The following STIM2 variants were observed in gnomAD, a reference collection of about 807,000 sequenced individuals.
The protein encoded by STIM2 is stromal interaction molecule 2.
Under a neutral mutation model 85.8 loss-of-function variants are expected in STIM2, and 31 were observed. The observed-to-expected ratio is 0.36, with a 90% CI of 0.27 to 0.49. The LOEUF is 0.49. Ranked by LOEUF, STIM2 falls within the 20% of genes least tolerant of loss-of-function variation. STIM2 has a pLI of 0.98. For synonymous variants in STIM2, 356 were observed against 331.1 expected, an observed-to-expected ratio of 1.08 and a Z score of -0.82; for missense variants, 841 against 927.6, an observed-to-expected ratio of 0.91 and a Z score of 1.21.
At chr4:26,995,634 A>T (rs190818157) in intron 4 of STIM2, 144 bp downstream of exon 4, 35 of 388,798 alleles carry the variant, frequency 9.0e-5, no homozygotes, top group African/African-American at 6.5e-4. Context: ...ATCTTTCTAA[A>T]TTATGCATTT....
chr4:26,998,187 A>G (rs556385875), intron 4 of STIM2, among the ~76,000 whole-genome samples: 2 of 152,306 alleles, frequency 1.3e-5, no homozygotes, highest in African/African-American at 4.8e-5. Context: ...GTGTAATGAA[A>G]TCTTTACTAG....
At position 26,861,019 on chromosome 4, in the gene STIM2, C is replaced by A; in HGVS notation, c.-200C>A. 8.0e-7 allele frequency: 1 copy of A among 1,244,504 alleles called. No homozygotes were observed. The highest frequency in any genetic ancestry group is 1.0e-6 in the Non-Finnish European group (1 of 986,680). 77.1% of individuals were successfully genotyped at this position (1,244,504 alleles called of 1,614,324 possible). On this transcript the variant is annotated 5_prime_UTR_variant, in exon 1 of 12. Transcript: ENST00000467087. ...GGTGCCGATGGGACCAGGCTGGCGC[C>A]CGGCGGGAGCCCGTGTCTGAGGCGG...
At chr4:27,018,045 A>G in intron 11 of STIM2, 61 bp downstream of exon 11, 8 of 1,164,370 alleles carry the variant, frequency 6.9e-6, no homozygotes, top group Non-Finnish European at 6.3e-6. Flanking sequence ...AGGTGTGAGG[A>G]GGGGGCGGGA....
At chr4:26,895,459 G>C (rs1414565067) in intron 1 of STIM2, among the ~76,000 whole-genome samples, 1 of 152,040 alleles carries the variant, frequency 6.6e-6, no homozygotes, top group Non-Finnish European at 1.5e-5. Context: ...TACGTTTTGA[G>C]TTTTTTTGCA....
intron 3 of STIM2, among the ~76,000 whole-genome samples, chr4:26,992,112 A>C (rs977054029): frequency 6.6e-6 from 1 of 152,128 alleles, no homozygotes; most frequent in Non-Finnish European, 1.5e-5. Flanking sequence ...ATGTAATGAA[A>C]AATCGCTTGT....
chr4:26,965,830 C>A (rs913153679), intron 3 of STIM2, among the ~76,000 whole-genome samples: 5 of 151,994 alleles, frequency 3.3e-5, no homozygotes, highest in Non-Finnish European at 7.4e-5. Context: ...ATAGAGACCC[C>A]CTCTCAGAAG....
intron 2 of STIM2, among the ~76,000 whole-genome samples, chr4:26,956,831 T>C (rs1189843813): frequency 6.6e-6 from 1 of 152,128 alleles, no homozygotes; most frequent in Non-Finnish European, 1.5e-5. Flanking sequence ...ACCAAATGGC[T>C]TGCGTTGGAA....
intron 3 of STIM2, among the ~76,000 whole-genome samples, chr4:26,959,029 A>G (rs1366264223): frequency 6.6e-6 from 1 of 152,190 alleles, no homozygotes; most frequent in Non-Finnish European, 1.5e-5. Context: ...TCTTGCCTGG[A>G]TAATTGTGAC....
At chr4:26,897,247 C>G (rs1362888835) in intron 1 of STIM2, among the ~76,000 whole-genome samples, 1 of 152,202 alleles carries the variant, frequency 6.6e-6, no homozygotes, top group African/African-American at 2.4e-5. Context: ...TTCCCAACAG[C>G]AAAGTATGAG....
chr4:26,968,575 A>ATT (rs1371984810), intron 3 of STIM2, among the ~76,000 whole-genome samples: 1 of 152,132 alleles, frequency 6.6e-6, no homozygotes, highest in Non-Finnish European at 1.5e-5. Flanking sequence ...GTGTAATAAG[A>ATT]TGAAAAGAGT....
At chr4:26,992,174 A>G (rs193302278) in intron 3 of STIM2, among the ~76,000 whole-genome samples, 1 of 152,296 alleles carries the variant, frequency 6.6e-6, no homozygotes, top group African/African-American at 2.4e-5. Context: ...TTTCTTATAC[A>G]TACAAATCCT....
chr4:26,950,723 A>G (rs1220485185), intron 2 of STIM2, among the ~76,000 whole-genome samples: 1 of 152,196 alleles, frequency 6.6e-6, no homozygotes, highest in Non-Finnish European at 1.5e-5. Context: ...TTATAGCAGC[A>G]CAAAATGGAC....
intron 2 of STIM2, among the ~76,000 whole-genome samples, chr4:26,952,359 C>T (rs55652454): frequency 7.2e-4 from 109 of 152,086 alleles, no homozygotes; most frequent in Admixed American, 1.2e-3. Context: ...TTTGTAGTAC[C>T]TCACACTGTC....
chr4:26,860,858 T>G lies in STIM2; in HGVS notation c.-361T>G. On this transcript the variant is annotated 5_prime_UTR_variant, in exon 1 of 12. Coordinates refer to ENST00000467087, the MANE Select transcript of STIM2 (RefSeq NM_020860.4). ...GCGGCGCCAGAGCAGCGGATCCCGG[T>G]CTCGCCGCAGCAGCAGCGCGGGTGT... 1.3e-6 allele frequency: 1 copy of G among 790,736 alleles called. No individual in the cohort carries two copies. Among genetic ancestry groups the G allele is most frequent in the Non-Finnish European group, 1.5e-6 (1 of 648,016 alleles). 49.0% of individuals were successfully genotyped at this position (790,736 alleles called of 1,614,324 possible). A position where few individuals can be genotyped will look rare whatever the true frequency, so the allele number is the denominator to read the frequency against.
intron 2 of STIM2, among the ~76,000 whole-genome samples, chr4:26,945,443 A>G (rs924290430): frequency 6.6e-6 from 1 of 152,120 alleles, no homozygotes; most frequent in African/African-American, 2.4e-5. Flanking sequence ...GATATGATTT[A>G]TATTCCTTTG....
At chr4:26,902,591 G>A (rs10029307) in intron 1 of STIM2, among the ~76,000 whole-genome samples, 45,254 of 152,076 alleles carry the variant, frequency 0.3, 7,068 homozygotes, top group East Asian at 0.42. Context: ...ATATTACTTT[G>A]AAATGATCAG....
At chr4:26,978,898 G>A (rs1727289165) in intron 3 of STIM2, among the ~76,000 whole-genome samples, 1 of 152,156 alleles carries the variant, frequency 6.6e-6, no homozygotes, top group South Asian at 2.1e-4. Context: ...CATGGGTCAT[G>A]TGATATAAAA....
chr4:26,990,263 T>C (rs577571487), intron 3 of STIM2, among the ~76,000 whole-genome samples: 1 of 152,122 alleles, frequency 6.6e-6, no homozygotes, highest in East Asian at 1.9e-4. Context: ...CAGACACATA[T>C]ACCAACGAAA....
At chr4:26,885,170 T>C (rs774115770) in intron 1 of STIM2, among the ~76,000 whole-genome samples, 1 of 151,406 alleles carries the variant, frequency 6.6e-6, no homozygotes, top group Non-Finnish European at 1.5e-5. Context: ...TTATTTTTCA[T>C]GGTTTTGAAT....
Sources: allele counts gnomAD v4.1 joint callset (sites outside exome capture counted in the v4.1 genomes callset), GRCh38; gene constraint gnomAD v4.1.1; transcripts MANE v1.5; gene names NCBI Gene and HGNC (gene_info 2026-07-23, HGNC 2026-07-21).